SPRY3: variants seen among roughly 807,000 people sequenced by gnomAD.
SPRY3 encodes protein sprouty homolog 3.
Under a neutral mutation model 20.2 loss-of-function variants are expected in SPRY3, and 15 were observed. The observed-to-expected ratio is 0.74, with a 90% confidence interval of 0.50 to 1.14. The LOEUF is 1.14. Ranked by LOEUF, SPRY3 falls within the 50% of genes most tolerant of loss-of-function variation. The pLI, the probability that SPRY3 is intolerant of heterozygous loss-of-function variation, is 0.00. For synonymous variants in SPRY3, 143 were observed against 136.5 expected (o/e 1.05, Z -0.33); for missense variants, 364 against 363.9 (o/e 1.00, Z 0.00).
At chrX:155,697,222 C>T (rs1219161369) in intron 2 of SPRY3, among the ~76,000 whole-genome samples, 1 of 110,905 alleles carries the variant, frequency 9.0e-6, no homozygotes, top group Non-Finnish European at 1.9e-5. Flanking sequence ...TGTAGGTGGG[C>T]ATCATCCAAT....
intron 2 of SPRY3, among the ~76,000 whole-genome samples, chrX:155,750,056 A>G (rs1044238822): frequency 6.6e-6 from 1 of 151,866 alleles, no homozygotes; most frequent in Non-Finnish European, 1.5e-5. Context: ...GGGAATTAAA[A>G]TATCACCAGA....
At chrX:155,755,813 C>A (rs1406533851) in intron 2 of SPRY3, among the ~76,000 whole-genome samples, 1 of 151,606 alleles carries the variant, frequency 6.6e-6, no homozygotes, top group Non-Finnish European at 1.5e-5. Context: ...AAGTTGGGGG[C>A]ATGAAGAAGA....
chrX:155,629,114 G>A (rs1174743968), intron 1 of SPRY3, among the ~76,000 whole-genome samples: 6 of 107,515 alleles, frequency 5.6e-5, no homozygotes, highest in South Asian at 4.2e-4. Flanking sequence ...CCATTAACTC[G>A]TCATTTACAT....
At chrX:155,691,959 C>G (rs1224278819) in intron 2 of SPRY3, among the ~76,000 whole-genome samples, 1 of 86,171 alleles carries the variant, frequency 1.2e-5, no homozygotes, top group Non-Finnish European at 2.2e-5. Context: ...CTCCTGGGCT[C>G]AAGCAATCTT....
chrX:155,778,240 T>A (rs980054295), downstream of SPRY3: 1 of 167,042 alleles, frequency 6.0e-6, no homozygotes, highest in Non-Finnish European at 1.5e-5. Flanking sequence ...AAGCCTCAAA[T>A]GGTGAATAAT....
Position 155,640,256 on chromosome X carries a change from A to G in SPRY3, c.-440-16611A>G, listed in dbSNP as rs182128857. ...AAAGAGTTGATTAACACTATGTTGT[A>G]TGTTAATGTATTATATACTGTATTC... On this transcript the variant is annotated intron_variant, in intron 1 of 3. Coordinates refer to ENST00000675360, the Ensembl canonical transcript of SPRY3. Among the ~76,000 whole-genome samples, 142 of 112,468 alleles carry G rather than the reference A, an allele frequency of 1.3e-3. 1 individual carries two copies. The highest frequency in any genetic ancestry group is 4.3e-3 in the African/African-American group (132 of 31,052).
At position 155,677,438 on chromosome X, in the gene SPRY3, T is replaced by A. The variant is rs147153652; in HGVS notation, c.-282+20413T>A. On this transcript the variant is annotated intron_variant, in intron 2 of 3. Transcript: ENST00000675360. Reference sequence around the variant, plus strand: ...AATTTAGGAGCATGAAATGAGCAAGTGTAATTCACTCTCCTTCCTCTCCAT... The same window carrying A: ...AATTTAGGAGCATGAAATGAGCAAGAGTAATTCACTCTCCTTCCTCTCCAT... 1.1e-3 allele frequency among the ~76,000 whole-genome samples: 128 copies of A among 111,827 alleles called. No individual in the cohort carries two copies. In the East Asian group the frequency reaches 0.025, roughly 22 times the overall value.
At position 155,633,662 on chromosome X, in the gene SPRY3, T is replaced by C. The variant is rs80151332; in HGVS notation, c.-441+21015T>C. On this transcript the variant is annotated intron_variant, in intron 1 of 3. Transcript: ENST00000675360. ...CTGGTTCACGAGCTTAAATGTGGGC[T>C]TATGGAGGTAAGATGATAGTGGAGT... is the stretch of plus-strand genomic sequence containing the variant. Among the ~76,000 whole-genome samples, 5 of 111,575 alleles carry C rather than the reference T, an allele frequency of 4.5e-5. No individual in the cohort carries two copies. In the East Asian group the frequency reaches 1.1e-3, roughly 25 times the overall value.
chrX:155,698,907 A>T (rs1002881239), intron 2 of SPRY3, among the ~76,000 whole-genome samples: 1 of 111,887 alleles, frequency 8.9e-6, no homozygotes, highest in South Asian at 3.7e-4. Flanking sequence ...CTATATCAAA[A>T]TTTAACCTAA....
At chrX:155,673,731 C>T (rs2068051253) in intron 2 of SPRY3, among the ~76,000 whole-genome samples, 1 of 111,931 alleles carries the variant, frequency 8.9e-6, no homozygotes, top group Admixed American at 9.5e-5. Context: ...TTTCAAAAGG[C>T]CCTGGAATTG....
chrX:155,700,637 A>T (rs866507405), intron 2 of SPRY3, among the ~76,000 whole-genome samples: 232 of 54,790 alleles, frequency 4.2e-3, no homozygotes, highest in African/African-American at 9.8e-3. Flanking sequence ...TTTTTTTATT[A>T]TACTCTAAGT....
intron 2 of SPRY3, 199 bp from the exon 2 acceptor site, chrX:155,767,763 G>A (rs1181583624): frequency 7.1e-6 from 1 of 140,616 alleles, no homozygotes; most frequent in Admixed American, 6.9e-5. Flanking sequence ...AGAGAGAGGA[G>A]GAGGAGGAGA....
At position 155,731,079 on chromosome X, in the gene SPRY3, T is replaced by C. The variant is rs146785142; in HGVS notation, c.-281-36883T>C. ...AGAATCAATATTGTAAAAATGTCCA[T>C]ACTACCCAAAGCAATCTACAGATTC... On this transcript the variant is annotated intron_variant, in intron 2 of 3. Transcript: ENST00000675360. 1.5e-3 allele frequency among the ~76,000 whole-genome samples: 229 copies of C among 152,196 alleles called. 2 individuals carry two copies. Among genetic ancestry groups the C allele is most frequent in the African/African-American group, 5.3e-3 (219 of 41,562 alleles).
intron 2 of SPRY3, among the ~76,000 whole-genome samples, chrX:155,734,650 A>G (rs1340654141): frequency 6.6e-6 from 1 of 151,224 alleles, no homozygotes; most frequent in East Asian, 1.9e-4. Context: ...AAAAAAACAC[A>G]CACACACAAA....
chrX:155,774,306 C>T (rs1191552170), exon 4 of SPRY3: 1 of 1,613,918 alleles, frequency 6.2e-7, no homozygotes, highest in Non-Finnish European at 8.5e-7. Flanking sequence ...AGCACCTCTT[C>T]ATCTGTGAGG....
chrX:155,709,666 G>A (rs1185701510), intron 2 of SPRY3, among the ~76,000 whole-genome samples: 2 of 151,614 alleles, frequency 1.3e-5, no homozygotes, highest in Admixed American at 1.3e-4. Flanking sequence ...TCTTTAACTT[G>A]ATGTGATCCC....
chrX:155,723,606 C>G (rs1416887181), intron 2 of SPRY3, among the ~76,000 whole-genome samples: 1 of 152,042 alleles, frequency 6.6e-6, no homozygotes, highest in African/African-American at 2.4e-5. Flanking sequence ...TGTTCATATC[C>G]TTTGCCCACT....
chrX:155,635,806 G>A (rs1468388056), intron 1 of SPRY3, among the ~76,000 whole-genome samples: 2 of 111,772 alleles, frequency 1.8e-5, no homozygotes, highest in Admixed American at 1.9e-4. Context: ...TAGGTGTGGC[G>A]ATTCCTCAGG....
chrX:155,779,823 A>C (rs1413496204), downstream of SPRY3: 2 of 167,032 alleles, frequency 1.2e-5, no homozygotes, highest in Non-Finnish European at 2.9e-5. Context: ...CACATATACA[A>C]TAGTTCCCTG....
Sources: allele counts gnomAD v4.1 joint callset (sites outside exome capture counted in the v4.1 genomes callset), GRCh38; gene constraint gnomAD v4.1.1; transcripts MANE v1.5; gene names NCBI Gene and HGNC (gene_info 2026-07-23, HGNC 2026-07-21).